APBA1: variants seen among roughly 807,000 people sequenced by gnomAD.
The protein encoded by APBA1 is amyloid beta precursor protein binding family A member 1, also known as amyloid-beta A4 precursor protein-binding family A member 1.
Under a neutral mutation model 86.6 loss-of-function variants are expected in APBA1, and 55 were observed. The ratio of observed to expected loss-of-function variants is 0.64; its 90% CI spans 0.51 to 0.80. APBA1 has a LOEUF of 0.80. APBA1 is among the 30% of genes least tolerant of loss of function. APBA1 has a pLI of 0.00. For missense variants in APBA1, 1,090 were observed against 1,183.0 expected, an observed-to-expected ratio of 0.92 and a Z score of 1.15; for synonymous variants, 511 against 493.9, an observed-to-expected ratio of 1.03 and a Z score of -0.46.
chr9:69,440,973 G>A (rs1244683412), intron 11 of APBA1, 23 bp downstream of exon 11: 1 of 1,609,316 alleles, frequency 6.2e-7, no homozygotes, highest in Non-Finnish European at 8.5e-7. Flanking sequence ...TGTGGAAAAG[G>A]GTGTGGAAGG....
intron 1 of APBA1, among the ~76,000 whole-genome samples, chr9:69,536,387 A>G (rs1255143849): frequency 6.6e-6 from 1 of 151,966 alleles, no homozygotes; most frequent in Admixed American, 6.6e-5. Context: ...AGACATGATG[A>G]TGGCCAGTCT....
chr9:69,540,890 C>A (rs1588350824), intron 1 of APBA1, among the ~76,000 whole-genome samples: 1 of 152,184 alleles, frequency 6.6e-6, no homozygotes, highest in African/African-American at 2.4e-5. Context: ...CAAGCATGAG[C>A]CACCACGCTC....
At chr9:69,503,369 GAATTT>G (rs1269339137) in intron 2 of APBA1, among the ~76,000 whole-genome samples, 5 of 151,878 alleles carry the variant, frequency 3.3e-5, no homozygotes, top group African/African-American at 1.2e-4. Context: ...TTTTTCCCTG[GAATTT>G]ATTTCCATAT....
intron 1 of APBA1, among the ~76,000 whole-genome samples, chr9:69,651,752 C>T (rs1277436389): frequency 6.6e-6 from 1 of 152,184 alleles, no homozygotes; most frequent in African/African-American, 2.4e-5. Flanking sequence ...CTGAGATTAC[C>T]GGCGTGAGCC....
At chr9:69,567,238 C>T (rs1296944727) in intron 1 of APBA1, among the ~76,000 whole-genome samples, 1 of 152,126 alleles carries the variant, frequency 6.6e-6, no homozygotes, top group Non-Finnish European at 1.5e-5. Flanking sequence ...GGGCAGACAC[C>T]TGCCAGAGAG....
chr9:69,519,821 C>T (rs926331043), intron 1 of APBA1, among the ~76,000 whole-genome samples: 1 of 152,144 alleles, frequency 6.6e-6, no homozygotes, highest in African/African-American at 2.4e-5. Flanking sequence ...TTAGCTTATT[C>T]TGGGTTAAAA....
intron 2 of APBA1, among the ~76,000 whole-genome samples, chr9:69,488,577 C>T (rs963648129): frequency 6.6e-6 from 1 of 152,140 alleles, no homozygotes; most frequent in African/African-American, 2.4e-5. Context: ...TGAAGGTACA[C>T]ATATGCAGGG....
chr9:69,665,542 G>A (rs185915833), intron 1 of APBA1, among the ~76,000 whole-genome samples: 9 of 152,230 alleles, frequency 5.9e-5, no homozygotes, highest in Middle Eastern at 3.4e-3. Context: ...ATTCCTCTCC[G>A]TAAGTATTTG....
Position 69,432,518 on chromosome 9 carries a change from GC to G in APBA1, c.2442+17del. The G allele has an allele frequency of 6.6e-7, 1 of 1,520,322 alleles. No individual in the cohort carries two copies. The highest frequency in any genetic ancestry group is 8.9e-7 in the Non-Finnish European group (1 of 1,129,682). The allele number at this position is 1,520,322 out of a possible 1,614,324, so 94.2% of individuals were successfully genotyped here. A position where few individuals can be genotyped will look rare whatever the true frequency, so the allele number is the denominator to read the frequency against. ...GACGCGGCCCTCAGCACCACCCTCA[GC>G]CCCGGACCTCTCCTACCTCCCCAAC... On this transcript the variant is annotated intron_variant, in intron 12 of 12. Coordinates refer to ENST00000265381, the MANE Select transcript of APBA1 (RefSeq NM_001163.4).
intron 2 of APBA1, among the ~76,000 whole-genome samples, chr9:69,499,927 G>C (rs935693222): frequency 6.6e-6 from 1 of 152,102 alleles, no homozygotes; most frequent in Non-Finnish European, 1.5e-5. Context: ...AGAAGCATTA[G>C]TGCTGAAATG....
chr9:69,449,362 A>C (rs1483713647), intron 10 of APBA1, among the ~76,000 whole-genome samples: 2 of 152,216 alleles, frequency 1.3e-5, no homozygotes, highest in African/African-American at 4.8e-5. Flanking sequence ...TGTCATGTGA[A>C]CCAAATACAC....
In APBA1 at chr9:69,623,957, T is replaced by C. The variant is rs183346254; in HGVS notation, c.-70+48196A>G. 4.6e-5 allele frequency among the ~76,000 whole-genome samples: 7 copies of C among 152,338 alleles called. No individual in the cohort carries two copies. In the East Asian group the frequency reaches 7.7e-4, roughly 17 times the overall value. ...TGGATATACATGAGGTAGGTATAAGTGTATTTTTAGAAATGTAAAAGCAAC... is the reference window on the plus strand; with the variant it reads ...TGGATATACATGAGGTAGGTATAAGCGTATTTTTAGAAATGTAAAAGCAAC... On this transcript the variant is annotated intron_variant, in intron 1 of 12. Transcript: ENST00000265381.
chr9:69,482,317 T>G (rs1195054476), intron 2 of APBA1, among the ~76,000 whole-genome samples: 2 of 151,970 alleles, frequency 1.3e-5, no homozygotes, highest in African/African-American at 4.8e-5. Flanking sequence ...GCAAAGGACA[T>G]GAATAGACAC....
intron 1 of APBA1, among the ~76,000 whole-genome samples, chr9:69,581,815 T>G (rs1821917452): frequency 2.6e-5 from 4 of 152,054 alleles, no homozygotes; most frequent in Admixed American, 1.3e-4. Flanking sequence ...AGTTTTAGTC[T>G]CTTTGAGGGT....
chr9:69,630,657 C>CT (rs751498326), intron 1 of APBA1, among the ~76,000 whole-genome samples: 1 of 152,172 alleles, frequency 6.6e-6, no homozygotes, highest in Non-Finnish European at 1.5e-5. Context: ...ACTTATCAGG[C>CT]TCTCTGCTCC....
chr9:69,491,605 T>TAA (rs199676293), intron 2 of APBA1, among the ~76,000 whole-genome samples: 13 of 144,786 alleles, frequency 9.0e-5, no homozygotes, highest in South Asian at 2.2e-4. Context: ...AAGTATTATT[T>TAA]AAAAAAAAAA....
intron 1 of APBA1, among the ~76,000 whole-genome samples, chr9:69,532,156 G>A (rs1018087039): frequency 1.8e-4 from 27 of 150,386 alleles, no homozygotes; most frequent in Middle Eastern, 3.4e-3. Flanking sequence ...GATAGCTGGG[G>A]AGGTTGTGTG....
At chr9:69,649,611 C>T (rs968198747) in intron 1 of APBA1, among the ~76,000 whole-genome samples, 5 of 152,204 alleles carry the variant, frequency 3.3e-5, no homozygotes, top group African/African-American at 1.2e-4. Flanking sequence ...GAGAAGGGCT[C>T]CATGTGCTCT....
chr9:69,655,926 A>G (rs1338727035), intron 1 of APBA1, among the ~76,000 whole-genome samples: 1 of 152,210 alleles, frequency 6.6e-6, no homozygotes, highest in African/African-American at 2.4e-5. Context: ...GAAATCATAA[A>G]AGTTTCAGTG....
Sources: gnomAD v4.1 joint callset for allele counts (sites outside exome capture counted in the v4.1 genomes callset) on GRCh38, gnomAD v4.1.1 for gene constraint, MANE v1.5 for transcripts, NCBI Gene and HGNC (gene_info 2026-07-23, HGNC 2026-07-21) for gene names.